TFEB: variants seen among roughly 807,000 people sequenced by gnomAD.
TFEB encodes the protein T-cell transcription factor EB.
A neutral mutation model predicts 48.0 loss-of-function variants in TFEB; 12 were observed. The observed-to-expected ratio is 0.25, with a 90% CI of 0.16 to 0.40. The LOEUF (loss-of-function observed/expected upper bound fraction) is 0.40. TFEB is among the 10% of genes least tolerant of loss of function. TFEB has a pLI of 1.00. For missense variants in TFEB, 509 were observed against 640.3 expected, an observed-to-expected ratio of 0.79 and a Z score of 2.21; for synonymous variants, 244 against 261.4, an observed-to-expected ratio of 0.93 and a Z score of 0.64.
At position 41,684,902 on chromosome 6, in the gene TFEB, G is replaced by A. The variant is rs781091914; in HGVS notation, c.1128C>T (p.Pro376=). Residue 376 remains proline (P), a synonymous_variant, in exon 9 of 9, where the codon CCC becomes CCT. Transcript: ENST00000373033. ...TGGGCAGGGGCAGCGGGGCTTGCGG[G>A]GGCAGAGCTGGCAGTGGCTCAGGGT... ...VPDPEPLPAL[P]PQAPLPLPTQ... The A allele has an allele frequency of 6.4e-6, 10 of 1,569,826 alleles. No individual in the cohort carries two copies. The highest frequency in any genetic ancestry group is 1.4e-5 in the African/African-American group (1 of 73,880).
intron 1 of TFEB, among the ~76,000 whole-genome samples, chr6:41,719,283 G>A (rs532464849): frequency 6.6e-6 from 1 of 152,248 alleles, no homozygotes; most frequent in South Asian, 2.1e-4. Context: ...ATGGTGAGTT[G>A]TATAATTATT....
intron 1 of TFEB, among the ~76,000 whole-genome samples, chr6:41,718,455 C>T (rs1404490587): frequency 4.6e-5 from 7 of 152,044 alleles, no homozygotes; most frequent in Non-Finnish European, 1.0e-4. Flanking sequence ...TGAAGTCTCC[C>T]GCCTCAGTCT....
Position 41,723,376 on chromosome 6 carries a change from C to A in TFEB, c.-23+11974G>T. 5.6e-6 allele frequency: 5 copies of A among 895,594 alleles called. No individual in the cohort carries two copies. The highest frequency in any genetic ancestry group is 6.3e-6 in the Non-Finnish European group (4 of 631,440). 55.5% of individuals were successfully genotyped at this position (895,594 alleles called of 1,614,324 possible). Reference sequence around the variant, plus strand: ...GCACATACACTCACACAGATGCACACAGGCTAACACACATGGACACACATT... The same window carrying A: ...GCACATACACTCACACAGATGCACAAAGGCTAACACACATGGACACACATT... On this transcript the variant is annotated intron_variant, in intron 1 of 8. Coordinates refer to ENST00000373033, the MANE Select transcript of TFEB (RefSeq NM_001271944.2). The surrounding 1 kb of genome is among the most constrained non-coding windows in gnomAD (Gnocchi z 6.0).
At chr6:41,729,338 G>C (rs1446894802) in intron 1 of TFEB, among the ~76,000 whole-genome samples, 1 of 152,148 alleles carries the variant, frequency 6.6e-6, no homozygotes, top group African/African-American at 2.4e-5. Flanking sequence ...TCTGGTCTGG[G>C]AGAGGAAAGG....
At position 41,691,306 on chromosome 6, in the gene TFEB, A is replaced by T. The variant is rs1581881059; in HGVS notation, c.-22-71T>A. The T allele has an allele frequency of 3.4e-6, 5 of 1,450,360 alleles. No homozygotes were observed. The highest frequency in any genetic ancestry group is 4.7e-6 in the Non-Finnish European group (5 of 1,055,442). 89.8% of individuals were successfully genotyped at this position (1,450,360 alleles called of 1,614,324 possible). A position where few individuals can be genotyped will look rare whatever the true frequency, so the allele number is the denominator to read the frequency against. ...TCAAAGCACAGGGGCTGGCAGGGGG[A>T]GGCCAGAATGACTGGGACCGCATCC... On this transcript the variant is annotated intron_variant, in intron 1 of 8. Coordinates refer to ENST00000373033, the MANE Select transcript of TFEB (RefSeq NM_001271944.2). This position sits in a 1 kb window ranked among gnomAD's most constrained non-coding sequence, Gnocchi z 5.2.
chr6:41,725,761 A>T (rs1771178897), intron 1 of TFEB, among the ~76,000 whole-genome samples: 1 of 152,224 alleles, frequency 6.6e-6, no homozygotes, highest in Non-Finnish European at 1.5e-5. Context: ...CCCCAAAATT[A>T]TATATTTTTA....
At chr6:41,715,494 A>G (rs1209937897) in intron 1 of TFEB, among the ~76,000 whole-genome samples, 1 of 152,012 alleles carries the variant, frequency 6.6e-6, no homozygotes, top group Non-Finnish European at 1.5e-5. Context: ...ACATGGTGAA[A>G]CCCCATCTCT....
chr6:41,690,637 T>C (rs752852318), intron 3 of TFEB, 26 bp downstream of exon 3: 33 of 1,497,776 alleles, frequency 2.2e-5, no homozygotes, highest in Non-Finnish European at 2.4e-5. Flanking sequence ...GCAAGCAGCA[T>C]GGCCACTGGC....
chr6:41,687,040 T>G, intron 7 of TFEB, 54 bp downstream of exon 7: 1 of 1,488,258 alleles, frequency 6.7e-7, no homozygotes, highest in South Asian at 1.1e-5. Context: ...AGATAATACT[T>G]GTCAGCTGCT....
intron 1 of TFEB, among the ~76,000 whole-genome samples, chr6:41,705,067 C>G (rs1770137301): frequency 6.6e-6 from 1 of 152,218 alleles, no homozygotes; most frequent in African/African-American, 2.4e-5. Flanking sequence ...CCACTGTCCA[C>G]ACATACACAC....
chr6:41,690,060 G>A (rs770527613), intron 3 of TFEB, among the ~76,000 whole-genome samples: 2 of 152,156 alleles, frequency 1.3e-5, no homozygotes, highest in Non-Finnish European at 2.9e-5. Flanking sequence ...TTCTGTCTCT[G>A]GCTTGGGGAG....
intron 1 of TFEB, among the ~76,000 whole-genome samples, chr6:41,729,368 C>G (rs1771359171): frequency 6.6e-6 from 1 of 152,190 alleles, no homozygotes; most frequent in Admixed American, 6.5e-5. Flanking sequence ...CAGCTTATTT[C>G]TGTGTGTGTC....
At chr6:41,709,201 C>A (rs1422611644) in intron 1 of TFEB, among the ~76,000 whole-genome samples, 1 of 152,216 alleles carries the variant, frequency 6.6e-6, no homozygotes, top group Non-Finnish European at 1.5e-5. Flanking sequence ...ACTGGTGACA[C>A]CAACAGAGGC....
At chr6:41,687,640 T>C (rs1769078627) in intron 6 of TFEB, 113 bp downstream of exon 6, 2 of 1,354,560 alleles carry the variant, frequency 1.5e-6, no homozygotes, top group Non-Finnish European at 2.1e-6. Flanking sequence ...TGCAAGTGAA[T>C]TGGCCTTGAG....
chr6:41,697,427 A>AAAAAAAAAAAAAAG (rs1769655029), intron 1 of TFEB, among the ~76,000 whole-genome samples: 10 of 145,198 alleles, frequency 6.9e-5, no homozygotes, highest in African/African-American at 2.6e-4. Context: ...AAAAAAAAAA[A>AAAAAAAAAAAAAAG]GAATGAGGGC....
intron 1 of TFEB, among the ~76,000 whole-genome samples, chr6:41,718,144 C>T (rs1461750977): frequency 1.3e-5 from 2 of 151,922 alleles, no homozygotes; most frequent in East Asian, 3.9e-4. Flanking sequence ...ACCTCAAATA[C>T]TTGTCATTTT....
In TFEB at chr6:41,734,424, G is replaced by T; in HGVS notation, c.-23+926C>A. 1.0e-6 allele frequency: 1 copy of T among 976,506 alleles called. No individual in the cohort carries two copies. The highest frequency in any genetic ancestry group is 1.2e-6 in the Non-Finnish European group (1 of 822,096). 60.5% of individuals were successfully genotyped at this position (976,506 alleles called of 1,614,324 possible). On this transcript the variant is annotated intron_variant, in intron 1 of 8. Transcript: ENST00000373033. This position sits in a 1 kb window ranked among gnomAD's most constrained non-coding sequence, Gnocchi z 4.0. The stretch of plus-strand genomic sequence containing the variant: ...AGCCGGAACCCCGCGCGGGGAGGGG[G>T]CCGAGCTGGCATCTGCCCGCTCCCT...
chr6:41,697,244 C>T (rs889430144), intron 1 of TFEB, among the ~76,000 whole-genome samples: 14 of 151,430 alleles, frequency 9.2e-5, no homozygotes, highest in Admixed American at 7.2e-4. Flanking sequence ...CCTGTCTCTA[C>T]TAAAAATACA....
At chr6:41,715,156 T>C (rs1413729772) in intron 1 of TFEB, among the ~76,000 whole-genome samples, 1 of 152,116 alleles carries the variant, frequency 6.6e-6, no homozygotes, top group African/African-American at 2.4e-5. Flanking sequence ...CTTCTGGGAC[T>C]GTGACGAAGA....
Sources: gnomAD v4.1 joint callset for allele counts (sites outside exome capture counted in the v4.1 genomes callset) on GRCh38, gnomAD v4.1.1 for gene constraint, Gnocchi (gnomAD v3.1) non-coding constraint, MANE v1.5 for transcripts, NCBI Gene and HGNC (gene_info 2026-07-23, HGNC 2026-07-21) for gene names.